RASSF5: variants seen among roughly 807,000 people sequenced by gnomAD.
RASSF5 encodes the protein ras association domain-containing protein 5.
Under a neutral mutation model 40.5 loss-of-function variants are expected in RASSF5, and 25 were observed. The observed-to-expected ratio is 0.62, with a 90% CI of 0.45 to 0.86. The LOEUF (loss-of-function observed/expected upper bound fraction) is 0.86, where lower values mean the gene tolerates loss of function less well. Among genes scored for constraint, RASSF5 ranks in the 40% least tolerant of loss-of-function variants. RASSF5 has a pLI of 0.00. For missense variants in RASSF5, 521 were observed against 572.8 expected, an observed-to-expected ratio of 0.91 and a Z score of 0.92; for synonymous variants, 246 against 252.4, an observed-to-expected ratio of 0.97 and a Z score of 0.24.
intron 2 of RASSF5, among the ~76,000 whole-genome samples, chr1:206,548,908 C>G (rs373965721): frequency 6.6e-6 from 1 of 152,078 alleles, no homozygotes; most frequent in Non-Finnish European, 1.5e-5. Flanking sequence ...CTCTGTTGCC[C>G]GGGCTGGAGT....
At chr1:206,529,844 G>A (rs188005571) in intron 1 of RASSF5, 40 of 362,492 alleles carry the variant, frequency 1.1e-4, no homozygotes, top group African/African-American at 7.6e-4. Flanking sequence ...GAGCCTGGGA[G>A]GTCAAGGCTG....
chr1:206,538,932 A>G (rs1553399026), intron 2 of RASSF5, among the ~76,000 whole-genome samples: 1 of 152,224 alleles, frequency 6.6e-6, no homozygotes, highest in African/African-American at 2.4e-5. Flanking sequence ...GCTACGTCAC[A>G]ATTCTTGTCC....
At chr1:206,510,333 TA>T (rs1553394462) in intron 1 of RASSF5, among the ~76,000 whole-genome samples, 1 of 152,200 alleles carries the variant, frequency 6.6e-6, no homozygotes, top group African/African-American at 2.4e-5. Context: ...GACTACCACT[TA>T]GTCCCCACGT....
rs1667369223 is a variant in RASSF5 at position 206,535,714 on chromosome 1, T to TACAAA, written c.458-2458_458-2457insACAAA. 7.2e-6 allele frequency among the ~76,000 whole-genome samples: 1 copy of TACAAA among 139,142 alleles called. No individual in the cohort carries two copies. Among genetic ancestry groups the TACAAA allele is most frequent in the Non-Finnish European group, 1.6e-5 (1 of 64,414 alleles). The allele number at this position is 139,142 out of a possible 152,430, so 91.3% of individuals were successfully genotyped here. A position where few individuals can be genotyped will look rare whatever the true frequency, so the allele number is the denominator to read the frequency against. ...GTGTGTGTGTGTGTCTGTGTGTGTG[T>TACAAA]GGTGTGTGTGTGTGTGTGTGTGTGT... On this transcript the variant is annotated intron_variant, in intron 1 of 5. Transcript: ENST00000579436. The surrounding 1 kb of genome is among the most constrained non-coding windows in gnomAD (Gnocchi z 5.0).
intron 2 of RASSF5, among the ~76,000 whole-genome samples, chr1:206,539,998 GTTCCTTCCTT>G (rs1442395185): frequency 6.6e-6 from 1 of 152,088 alleles, no homozygotes; most frequent in South Asian, 2.1e-4. Flanking sequence ...GTCTCTTTCT[GTTCCTTCCTT>G]TAGAGCAGCA....
chr1:206,512,967 TA>T lies in RASSF5; in HGVS notation c.457+4909del, dbSNP rs565011826. On this transcript the variant is annotated intron_variant, in intron 1 of 5. Coordinates refer to ENST00000579436, the MANE Select transcript of RASSF5 (RefSeq NM_182663.4). The stretch of plus-strand genomic sequence containing the variant: ...ATGCTTAGCTCAGCTGAAAGGGAAT[TA>T]CCTGGCCAGGAGTCACCTGCTGGCT... 1.1e-4 allele frequency among the ~76,000 whole-genome samples: 16 copies of T among 152,334 alleles called. 1 individual carries two copies. The South Asian group carries it at 2.1e-3, about 20-fold the overall frequency.
chr1:206,587,400 A>C lies in RASSF5; in HGVS notation c.*422A>C. The stretch of plus-strand genomic sequence containing the variant: ...CTTACTTGCCACGTACAGGACCATT[A>C]TTTATGAGTGAAAAGTTGTAGCACA... On this transcript the variant is annotated 3_prime_UTR_variant, in exon 6 of 6. Transcript: ENST00000579436. 3.7e-6 allele frequency: 1 copy of C among 269,662 alleles called. No individual in the cohort carries two copies. Among genetic ancestry groups the C allele is most frequent in the Non-Finnish European group, 7.3e-6 (1 of 137,300 alleles). 16.7% of individuals were successfully genotyped at this position (269,662 alleles called of 1,614,324 possible). A position where few individuals can be genotyped will look rare whatever the true frequency, so the allele number is the denominator to read the frequency against.
intron 2 of RASSF5, among the ~76,000 whole-genome samples, chr1:206,576,360 G>A (rs9429987): frequency 0.81 from 123,932 of 152,090 alleles, 50,694 homozygotes; most frequent in East Asian, 1. Flanking sequence ...AGAACCAGGG[G>A]GTGAGCCTAG....
chr1:206,538,950 G>A (rs1386737681), intron 2 of RASSF5, among the ~76,000 whole-genome samples: 1 of 152,218 alleles, frequency 6.6e-6, no homozygotes, highest in Non-Finnish European at 1.5e-5. Context: ...TCCTCAGACA[G>A]CTTGCATTCT....
intron 2 of RASSF5, among the ~76,000 whole-genome samples, chr1:206,551,524 C>G (rs564414035): frequency 6.6e-6 from 1 of 152,338 alleles, no homozygotes; most frequent in African/African-American, 2.4e-5. Context: ...CACTGGACAG[C>G]CGCCCTCACA....
intron 2 of RASSF5, among the ~76,000 whole-genome samples, chr1:206,568,551 T>C (rs1553403715): frequency 6.6e-6 from 1 of 151,984 alleles, no homozygotes; most frequent in Non-Finnish European, 1.5e-5. Flanking sequence ...ACCACTCGGC[T>C]CCCACACACC....
At chr1:206,524,558 A>AATATATTATGTATAATGTATAAAAT (rs1667033909) in intron 1 of RASSF5, among the ~76,000 whole-genome samples, 9 of 54,878 alleles carry the variant, frequency 1.6e-4, no homozygotes, top group Non-Finnish European at 3.7e-5. Context: ...ATACATATAA[A>AATATATTATGTATAATGTATAAAAT]ATATATTATG....
intron 1 of RASSF5, among the ~76,000 whole-genome samples, chr1:206,525,328 G>T (rs1667072395): frequency 6.6e-6 from 1 of 152,212 alleles, no homozygotes; most frequent in Admixed American, 6.5e-5. Flanking sequence ...GGGCACAGGG[G>T]ACACATCCAG....
chr1:206,557,857 G>C (rs1668033987), intron 2 of RASSF5, among the ~76,000 whole-genome samples: 1 of 152,178 alleles, frequency 6.6e-6, no homozygotes. Flanking sequence ...AGCCCTTCAG[G>C]GACCTGCACT....
intron 2 of RASSF5, among the ~76,000 whole-genome samples, chr1:206,570,975 A>G (rs1186630858): frequency 1.3e-5 from 2 of 152,178 alleles, no homozygotes; most frequent in Non-Finnish European, 2.9e-5. Context: ...GCTGGATCAC[A>G]TGGTAATTCT....
At chr1:206,557,487 C>T (rs1280775144) in intron 2 of RASSF5, 3 of 1,583,976 alleles carry the variant, frequency 1.9e-6, no homozygotes, top group African/African-American at 2.7e-5. Flanking sequence ...AAGCGGAGCC[C>T]GGGGAGGGGT....
intron 1 of RASSF5, among the ~76,000 whole-genome samples, chr1:206,519,340 G>A (rs527816566): frequency 6.6e-5 from 10 of 152,298 alleles, no homozygotes; most frequent in Non-Finnish European, 1.5e-4. Flanking sequence ...GATTCCTTCC[G>A]CTGTCTCATG....
intron 1 of RASSF5, chr1:206,518,436 G>A (rs576074625): frequency 2.5e-6 from 1 of 398,718 alleles, no homozygotes; most frequent in South Asian, 1.3e-4. Context: ...CTTTGGGACA[G>A]TCACTGCTCA....
intron 2 of RASSF5, among the ~76,000 whole-genome samples, chr1:206,573,348 C>T (rs2103555237): frequency 6.6e-6 from 1 of 152,168 alleles, no homozygotes; most frequent in Non-Finnish European, 1.5e-5. Flanking sequence ...TTTCTCAAGA[C>T]CATGTAGTGA....
Sources: gnomAD v4.1 joint callset for allele counts (sites outside exome capture counted in the v4.1 genomes callset) on GRCh38, gnomAD v4.1.1 for gene constraint, Gnocchi (gnomAD v3.1) non-coding constraint, MANE v1.5 for transcripts, NCBI Gene and HGNC (gene_info 2026-07-23, HGNC 2026-07-21) for gene names.